CNDP1: variants seen among roughly 807,000 people sequenced by gnomAD.
The protein encoded by CNDP1 is carnosine dipeptidase 1.
Under a neutral mutation model 58.1 loss-of-function variants are expected in CNDP1, and 44 were observed. The ratio of observed to expected loss-of-function variants is 0.76; its 90% CI spans 0.60 to 0.97. The LOEUF is 0.97. Among genes scored for constraint, CNDP1 ranks in the 50% least tolerant of loss-of-function variants. The pLI is 0.00. For missense variants in CNDP1, 616 were observed against 655.1 expected, an observed-to-expected ratio of 0.94 and a Z score of 0.65; for synonymous variants, 254 against 252.6, an observed-to-expected ratio of 1.01 and a Z score of -0.05.
Position 74,583,576 on chromosome 18 carries a change from C to A in CNDP1, c.1325C>A (p.Pro442Gln). The change falls in exon 11 of 12, where the codon CCA becomes CAA. Residue 442 changes from proline (P) to glutamine (Q), a missense_variant. Transcript: ENST00000358821. The stretch of plus-strand genomic sequence containing the variant: ...CCTGTCTCAGTGTTTGGAACAGAAC[C>A]AGATATGATCCGGGATGGATCCACC... ...RAIRTVFGTE[P>Q]DMIRDGSTIP... 1 of 1,614,054 alleles carries A rather than the reference C, an allele frequency of 6.2e-7. No individual in the cohort carries two copies. The highest frequency in any genetic ancestry group is 8.5e-7 in the Non-Finnish European group (1 of 1,179,966).
At position 74,534,904 on chromosome 18, in the gene CNDP1, C is replaced by CT. The variant is rs544425283; in HGVS notation, c.24+215dup. ...TAATGCTTTTGGGTAGTTGTGTGTT[C>CT]TTAACAATAATTAAATGGCATTATT... On this transcript the variant is annotated intron_variant, in intron 1 of 11. Transcript: ENST00000358821. Among the ~76,000 whole-genome samples the CT allele has an allele frequency of 1.0e-3, 156 of 152,266 alleles. 1 individual carries two copies. The South Asian group carries it at 0.027, about 27-fold the overall frequency.
At chr18:74,554,689 TGGTGGGAGAAGCA>T (rs1361181359) in intron 1 of CNDP1, among the ~76,000 whole-genome samples, 1 of 152,044 alleles carries the variant, frequency 6.6e-6, no homozygotes, top group Non-Finnish European at 1.5e-5. Context: ...GGAGGAGGTC[TGGTGGGAGAAGCA>T]GGTGGGCTCC....
chr18:74,576,907 G>A lies in CNDP1; in HGVS notation c.880G>A (p.Gly294Arg), dbSNP rs1981649267. ...CTCGTCTGGTCATATCCTGGTCCCT[G>A]GAATCTATGATGAAGTGGTTCCTCT... ...VDSSGHILVP[G>R]IYDEVVPLTE... Residue 294 changes from glycine (G) to arginine (R), a missense_variant, in exon 8 of 12, where the codon GGA becomes AGA. Transcript: ENST00000358821. The A allele has an allele frequency of 6.2e-7, 1 of 1,613,094 alleles. No homozygotes were observed. Among genetic ancestry groups the A allele is most frequent in the Non-Finnish European group, 8.5e-7 (1 of 1,179,670 alleles).
chr18:74,550,220 A>G (rs374130180), intron 1 of CNDP1, among the ~76,000 whole-genome samples: 3 of 152,224 alleles, frequency 2.0e-5, no homozygotes, highest in Admixed American at 6.5e-5. Context: ...TGGAAAAGCC[A>G]TAGCGGTGGA....
chr18:74,579,091 C>T (rs958731148), intron 9 of CNDP1, among the ~76,000 whole-genome samples: 4 of 151,548 alleles, frequency 2.6e-5, no homozygotes, highest in African/African-American at 9.7e-5. Context: ...TCCCTCCCGG[C>T]TTCCTCCCCT....
chr18:74,566,152 G>C (rs1438422674), intron 5 of CNDP1, among the ~76,000 whole-genome samples: 1 of 152,180 alleles, frequency 6.6e-6, no homozygotes, highest in Non-Finnish European at 1.5e-5. Flanking sequence ...AAGTCTCTAG[G>C]CTGTACACAA....
chr18:74,567,561 A>T, intron 6 of CNDP1, 128 bp downstream of exon 6: 1 of 804,520 alleles, frequency 1.2e-6, no homozygotes, highest in Non-Finnish European at 2.0e-6. Flanking sequence ...CCTGGGACAC[A>T]CGGCCTCAGG....
chr18:74,576,761 C>T (rs891971437), intron 7 of CNDP1, 108 bp from the exon 8 acceptor site: 1 of 1,012,344 alleles, frequency 9.9e-7, no homozygotes. Flanking sequence ...CCCAGACAGT[C>T]AAGAGGCCTG....
chr18:74,537,380 A>G (rs1288713863), intron 1 of CNDP1, among the ~76,000 whole-genome samples: 3 of 152,218 alleles, frequency 2.0e-5, no homozygotes, highest in Non-Finnish European at 4.4e-5. Flanking sequence ...TTATCCGAGC[A>G]TCATTTATTG....
chr18:74,534,584 C>T lies in CNDP1; in HGVS notation c.-84C>T. On this transcript the variant is annotated 5_prime_UTR_variant, in exon 1 of 12. Coordinates refer to ENST00000358821, the MANE Select transcript of CNDP1 (RefSeq NM_032649.6). The stretch of plus-strand genomic sequence containing the variant: ...GGGCACAGAGAGATATTTAATGTCA[C>T]CCTCTTGGGGCTTTCATGGGACTCC... 2.1e-6 allele frequency: 3 copies of T among 1,431,214 alleles called. No individual in the cohort carries two copies. Among genetic ancestry groups the T allele is most frequent in the South Asian group, 1.2e-5 (1 of 86,024 alleles). The allele number at this position is 1,431,214 out of a possible 1,614,324, so 88.7% of individuals were successfully genotyped here. A position where few individuals can be genotyped will look rare whatever the true frequency, so the allele number is the denominator to read the frequency against.
intron 1 of CNDP1, among the ~76,000 whole-genome samples, chr18:74,555,707 C>G (rs1229119056): frequency 6.6e-6 from 1 of 152,040 alleles, no homozygotes; most frequent in Non-Finnish European, 1.5e-5. Flanking sequence ...GGTTGGGTCT[C>G]TCAGAGATGG....
chr18:74,552,481 A>C, intron 1 of CNDP1, among the ~76,000 whole-genome samples: 1 of 152,060 alleles, frequency 6.6e-6, no homozygotes, highest in East Asian at 1.9e-4. Flanking sequence ...GAAGTTACCT[A>C]CTCTAGACTG....
rs1466140410 is a variant in CNDP1, at chr18:74,583,729, T to C, written c.1457+21T>C. On this transcript the variant is annotated intron_variant, in intron 11 of 11. Coordinates refer to ENST00000358821, the MANE Select transcript of CNDP1 (RefSeq NM_032649.6). Reference sequence around the variant, plus strand: ...AACAGGTCAGCTGATGCCTGTGCAATGTGCCTCTCTCTTCTTCCTTTACTG... The same window carrying C: ...AACAGGTCAGCTGATGCCTGTGCAACGTGCCTCTCTCTTCTTCCTTTACTG... 3.1e-6 allele frequency: 5 copies of C among 1,613,404 alleles called. No individual in the cohort carries two copies. In the East Asian group the frequency reaches 6.7e-5, roughly 22 times the overall value.
In CNDP1 at chr18:74,584,614, A is replaced by C; in HGVS notation, c.*52A>C. 2 of 1,315,700 alleles carry C rather than the reference A, an allele frequency of 1.5e-6. No individual in the cohort carries two copies. The highest frequency in any genetic ancestry group is 2.2e-6 in the Non-Finnish European group (2 of 907,970). 81.5% of individuals were successfully genotyped at this position (1,315,700 alleles called of 1,614,324 possible). ...ATCCACTGACAGATTCACCTCCCCC[A>C]CATCCCTAGACAGGGATGGAATGTA... On this transcript the variant is annotated 3_prime_UTR_variant, in exon 12 of 12. Transcript: ENST00000358821.
rs1981858498 is a variant in CNDP1 at position 74,584,222 on chromosome 18, G to A, written c.1458-274G>A. On this transcript the variant is annotated intron_variant, in intron 11 of 11. Transcript: ENST00000358821. Reference sequence around the variant, plus strand: ...CCAGACTACTGAGAAACAAGAAATTGTTTGACCCTGATATCCATATCAGTG... The same window carrying A: ...CCAGACTACTGAGAAACAAGAAATTATTTGACCCTGATATCCATATCAGTG... 6 of 446,236 alleles carry A rather than the reference G, an allele frequency of 1.3e-5. No homozygotes were observed. In the Admixed American group the frequency reaches 1.4e-4, roughly 11 times the overall value. The allele number at this position is 446,236 out of a possible 1,614,324, so 27.6% of individuals were successfully genotyped here. A position where few individuals can be genotyped will look rare whatever the true frequency, so the allele number is the denominator to read the frequency against.
In CNDP1 at chr18:74,567,183, C is replaced by G. The variant is rs764154748; in HGVS notation, c.556-50C>G. On this transcript the variant is annotated intron_variant, in intron 5 of 11. Coordinates refer to ENST00000358821, the MANE Select transcript of CNDP1 (RefSeq NM_032649.6). ...AGTTGAGATTTGGTGGGGACACAGC[C>G]AAACCACATCAGGCAACTTGTGCAA... 4.7e-6 allele frequency: 7 copies of G among 1,484,356 alleles called. No individual in the cohort carries two copies. The East Asian group carries it at 1.6e-4, about 34-fold the overall frequency. 91.9% of individuals were successfully genotyped at this position (1,484,356 alleles called of 1,614,324 possible).
In CNDP1 at chr18:74,577,033, T is replaced by C. The variant is rs931602107; in HGVS notation, c.1002+4T>C. On this transcript the variant is annotated splice_donor_region_variant and intron_variant, in intron 8 of 11. Coordinates refer to ENST00000358821, the MANE Select transcript of CNDP1 (RefSeq NM_032649.6). ...GAAATTTCTGTTCGATACTAAGGTA[T>C]GGCCACAGACTGATGGATAAGCTGG... The C allele has an allele frequency of 3.7e-6, 6 of 1,608,178 alleles. No homozygotes were observed. Among genetic ancestry groups the C allele is most frequent in the Non-Finnish European group, 5.1e-6 (6 of 1,177,238 alleles).
intron 1 of CNDP1, among the ~76,000 whole-genome samples, chr18:74,547,395 C>T (rs1326264700): frequency 6.6e-6 from 1 of 152,184 alleles, no homozygotes; most frequent in African/African-American, 2.4e-5. Flanking sequence ...CCACCCTTGG[C>T]CTGAGGCTTT....
At position 74,583,718 on chromosome 18, in the gene CNDP1, T is replaced by C; in HGVS notation, c.1457+10T>C. 6.2e-7 allele frequency: 1 copy of C among 1,614,000 alleles called. No individual in the cohort carries two copies. Among genetic ancestry groups the C allele is most frequent in the Non-Finnish European group, 8.5e-7 (1 of 1,179,900 alleles). On this transcript the variant is annotated intron_variant, in intron 11 of 11. Coordinates refer to ENST00000358821, the MANE Select transcript of CNDP1 (RefSeq NM_032649.6). ...ATGAGAAAATCAACAGGTCAGCTGATGCCTGTGCAATGTGCCTCTCTCTTC... is the reference window on the plus strand; with the variant it reads ...ATGAGAAAATCAACAGGTCAGCTGACGCCTGTGCAATGTGCCTCTCTCTTC...
Sources: gnomAD v4.1 joint callset for allele counts (sites outside exome capture counted in the v4.1 genomes callset) on GRCh38, gnomAD v4.1.1 for gene constraint, MANE v1.5 for transcripts, NCBI Gene and HGNC (gene_info 2026-07-23, HGNC 2026-07-21) for gene names.